The following CENPP variants were observed in gnomAD, a reference collection of about 807,000 sequenced individuals.
The protein encoded by CENPP is centromere protein P.
CENPP carries 24 observed loss-of-function variants against 35.6 expected under a neutral mutation model. The observed-to-expected ratio is 0.67, with a 90% CI of 0.49 to 0.95. The LOEUF (loss-of-function observed/expected upper bound fraction) is 0.95. Ranked by LOEUF, CENPP falls within the 40% of genes least tolerant of loss-of-function variation. CENPP has a pLI of 0.00. For missense variants in CENPP, 332 were observed against 345.3 expected (o/e 0.96, Z 0.31); for synonymous variants, 120 against 125.5 (o/e 0.96, Z 0.29).
intron 5 of CENPP, among the ~76,000 whole-genome samples, chr9:92,511,442 A>T (rs1219583297): frequency 1.9e-4 from 28 of 147,022 alleles, no homozygotes; most frequent in Admixed American, 1.4e-3. Flanking sequence ...TTTTTTTTTT[A>T]AATATATAAT....
At chr9:92,457,463 G>C in intron 5 of CENPP, 1 of 1,610,316 alleles carries the variant, frequency 6.2e-7, no homozygotes, top group Non-Finnish European at 8.5e-7. Flanking sequence ...TCTTGCAATT[G>C]AATTAGAATG....
intron 5 of CENPP, among the ~76,000 whole-genome samples, chr9:92,427,924 G>A (rs1844009262): frequency 6.6e-6 from 1 of 152,190 alleles, no homozygotes; most frequent in Non-Finnish European, 1.5e-5. Context: ...TCTAGGAGGA[G>A]GGAGTAGGTG....
intron 5 of CENPP, among the ~76,000 whole-genome samples, chr9:92,421,096 G>A (rs1031402514): frequency 1.4e-4 from 21 of 152,150 alleles, no homozygotes; most frequent in African/African-American, 4.8e-4. Flanking sequence ...CCAGGCTGGA[G>A]CGCAGTGGTG....
intron 3 of CENPP, chr9:92,340,017 A>G (rs1841060451): frequency 6.5e-6 from 1 of 153,784 alleles, no homozygotes; most frequent in East Asian, 1.9e-4. Flanking sequence ...GGTTGGTGGA[A>G]TCATAATCCT....
chr9:92,513,350 A>G (rs539323570), intron 5 of CENPP, among the ~76,000 whole-genome samples: 17 of 152,338 alleles, frequency 1.1e-4, no homozygotes, highest in African/African-American at 3.6e-4. Flanking sequence ...GCTCCCCAGC[A>G]TGCAGGTGGG....
At chr9:92,569,161 T>G (rs1850071070) in intron 5 of CENPP, among the ~76,000 whole-genome samples, 1 of 152,228 alleles carries the variant, frequency 6.6e-6, no homozygotes, top group Non-Finnish European at 1.5e-5. Flanking sequence ...TGCCCATGCC[T>G]ATGTCCTGAA....
At chr9:92,340,775 A>G (rs181151073) in intron 3 of CENPP, among the ~76,000 whole-genome samples, 35 of 152,216 alleles carry the variant, frequency 2.3e-4, no homozygotes, top group African/African-American at 7.9e-4. Context: ...GGGGATGTAT[A>G]TCACCTCAGG....
At chr9:92,344,650 C>T (rs1841228937) in intron 3 of CENPP, among the ~76,000 whole-genome samples, 2 of 151,758 alleles carry the variant, frequency 1.3e-5, no homozygotes, top group African/African-American at 2.4e-5. Flanking sequence ...TGTGCTCAAG[C>T]GATTCTCCTG....
At chr9:92,573,889 C>A (rs776683042) in intron 5 of CENPP, among the ~76,000 whole-genome samples, 3 of 152,196 alleles carry the variant, frequency 2.0e-5, no homozygotes, top group Non-Finnish European at 2.9e-5. Context: ...GGCATGGAAC[C>A]CTCTGAGCCA....
chr9:92,471,110 C>T (rs985937148), intron 5 of CENPP, among the ~76,000 whole-genome samples: 7 of 152,024 alleles, frequency 4.6e-5, no homozygotes, highest in African/African-American at 1.7e-4. Context: ...GTTGATGTAC[C>T]TTTGGCTGAG....
chr9:92,452,310 G>T (rs1253201007), intron 5 of CENPP, among the ~76,000 whole-genome samples: 7 of 150,308 alleles, frequency 4.7e-5, no homozygotes, highest in African/African-American at 9.9e-5. Flanking sequence ...TAGCATGAAG[G>T]GTTGTTGAAT....
chr9:92,416,094 A>AT (rs1479760871), intron 5 of CENPP, among the ~76,000 whole-genome samples: 21 of 137,294 alleles, frequency 1.5e-4, no homozygotes, highest in Non-Finnish European at 2.2e-4. Context: ...TTATTTATTT[A>AT]TTTATTTTAT....
Position 92,619,505 on chromosome 9 carries a change from G to A in CENPP, c.*6356G>A. The A allele has an allele frequency of 1.9e-6, 3 of 1,592,126 alleles. No individual in the cohort carries two copies. Among genetic ancestry groups the A allele is most frequent in the Non-Finnish European group, 2.6e-6 (3 of 1,169,668 alleles). On this transcript the variant is annotated 3_prime_UTR_variant, in exon 8 of 8. Coordinates refer to ENST00000375587, the MANE Select transcript of CENPP (RefSeq NM_001012267.3). Reference sequence around the variant, plus strand: ...CCTCACCTGGCATCCTGCAGACAGGGAGACAGTGCAATCATGATGGAGCAG... The same window carrying A: ...CCTCACCTGGCATCCTGCAGACAGGAAGACAGTGCAATCATGATGGAGCAG...
chr9:92,457,065 A>G, intron 5 of CENPP: 4 of 1,320,752 alleles, frequency 3.0e-6, no homozygotes, highest in African/African-American at 3.0e-5. Flanking sequence ...TTTGTACGCA[A>G]AAAGAAACTG....
intron 5 of CENPP, among the ~76,000 whole-genome samples, chr9:92,415,983 T>C (rs2130956777): frequency 6.9e-6 from 1 of 145,882 alleles, no homozygotes; most frequent in East Asian, 2.0e-4. Context: ...TATATATATA[T>C]GTATAAATTA....
chr9:92,437,867 C>T (rs928237786), intron 5 of CENPP, among the ~76,000 whole-genome samples: 2 of 151,794 alleles, frequency 1.3e-5, no homozygotes, highest in Admixed American at 6.6e-5. Context: ...TCAAGTGATC[C>T]TCCCACCTCA....
chr9:92,411,598 A>T (rs1173413496), intron 5 of CENPP, among the ~76,000 whole-genome samples: 2 of 152,176 alleles, frequency 1.3e-5, no homozygotes, highest in East Asian at 3.9e-4. Flanking sequence ...CCAGGCCAGA[A>T]TTGCTAAATT....
chr9:92,571,826 A>G (rs530280585), intron 5 of CENPP, among the ~76,000 whole-genome samples: 3 of 150,274 alleles, frequency 2.0e-5, no homozygotes, highest in Non-Finnish European at 4.4e-5. Flanking sequence ...TCCCTTTACC[A>G]TTATGTAATG....
chr9:92,363,522 G>A (rs185037947), intron 4 of CENPP, among the ~76,000 whole-genome samples: 181 of 152,170 alleles, frequency 1.2e-3, no homozygotes, highest in African/African-American at 4.0e-3. Flanking sequence ...ATATAGCCTC[G>A]GTTTGCAGTA....
Sources: allele counts gnomAD v4.1 joint callset (sites outside exome capture counted in the v4.1 genomes callset), GRCh38; gene constraint gnomAD v4.1.1; transcripts MANE v1.5; gene names NCBI Gene and HGNC (gene_info 2026-07-23, HGNC 2026-07-21).